Variants in SLC8A3 observed in about 807,000 individuals in gnomAD.
The protein encoded by SLC8A3 is solute carrier family 8 member A3, also known as sodium/calcium exchanger 3.
Under a neutral mutation model 65.4 loss-of-function variants are expected in SLC8A3, and 37 were observed. That is an observed-to-expected ratio of 0.57 (90% CI 0.44 to 0.74). The LOEUF (loss-of-function observed/expected upper bound fraction) is 0.74. Among genes scored for constraint, SLC8A3 ranks in the 30% least tolerant of loss-of-function variants. SLC8A3 has a pLI of 0.00. For missense variants in SLC8A3, 1,112 were observed against 1,172.1 expected, an observed-to-expected ratio of 0.95 and a Z score of 0.75; for synonymous variants, 461 against 444.5, an observed-to-expected ratio of 1.04 and a Z score of -0.47.
chr14:70,051,549 T>C (rs1887507343), intron 4 of SLC8A3, among the ~76,000 whole-genome samples: 1 of 152,086 alleles, frequency 6.6e-6, no homozygotes, highest in South Asian at 2.1e-4. Context: ...GACCCTCCCA[T>C]CTCGGCCTCT....
At chr14:70,157,408 C>T (rs1896636089) in intron 2 of SLC8A3, among the ~76,000 whole-genome samples, 1 of 152,138 alleles carries the variant, frequency 6.6e-6, no homozygotes, top group Admixed American at 6.5e-5. Context: ...GAAGGGGGCA[C>T]TTGACACAGG....
rs1224477033 is a variant in SLC8A3 at position 70,167,667 on chromosome 14, A to T, written c.756T>A (p.Asp252Glu). Residue 252 changes from aspartate to glutamate, a missense_variant, in exon 2 of 7, where the codon GAT becomes GAA. Asp to Glu is a conservative substitution (Grantham distance 45). Coordinates refer to ENST00000356921, the MANE Select transcript of SLC8A3 (RefSeq NM_182932.3). ...TGTATTTGTAGAAGAGCAGTCGTTT[A>T]TCTGCCACCCAGGCCAGAAGGACAC... ...PVCVLLAWVA[D>E]KRLLFYKYMH... The T allele has an allele frequency of 1.2e-6, 2 of 1,614,154 alleles. No individual in the cohort carries two copies.
At chr14:70,102,085 A>G (rs1402473166) in intron 2 of SLC8A3, among the ~76,000 whole-genome samples, 1 of 152,226 alleles carries the variant, frequency 6.6e-6, no homozygotes, top group African/African-American at 2.4e-5. Context: ...AAGATTCCAC[A>G]GGACCCAACA....
intron 2 of SLC8A3, among the ~76,000 whole-genome samples, chr14:70,101,735 G>T (rs1253724414): frequency 6.6e-6 from 1 of 152,180 alleles, no homozygotes; most frequent in Non-Finnish European, 1.5e-5. Flanking sequence ...TCATTTTCAG[G>T]TATTGAACAG....
chr14:70,064,336 C>T (rs1320588576), intron 2 of SLC8A3, among the ~76,000 whole-genome samples: 1 of 152,138 alleles, frequency 6.6e-6, no homozygotes, highest in Non-Finnish European at 1.5e-5. Context: ...CCACTAAGGT[C>T]CTCCCATGTT....
intron 1 of SLC8A3, among the ~76,000 whole-genome samples, chr14:70,169,675 T>TA (rs35915562): frequency 0.74 from 70,333 of 94,528 alleles, 25,107 homozygotes; most frequent in Middle Eastern, 0.85. Context: ...ATGGAATAGC[T>TA]AAAAAAAAAA....
chr14:70,167,676 C>T lies in SLC8A3; in HGVS notation c.747G>A (p.Trp249Ter). Residue 249 changes from tryptophan to a stop codon, truncating the protein, a stop_gained, in exon 2 of 7, where the codon TGG becomes TGA. Coordinates refer to ENST00000356921, the MANE Select transcript of SLC8A3 (RefSeq NM_182932.3). LOFTEE classifies it high-confidence loss of function. ...FFFPVCVLLA[W>*]VADKRLLFYK... ...AGAAGAGCAGTCGTTTATCTGCCAC[C>T]CAGGCCAGAAGGACACACACTGGAA... 1.2e-6 allele frequency: 2 copies of T among 1,614,112 alleles called. No individual in the cohort carries two copies. The highest frequency in any genetic ancestry group is 1.7e-6 in the Non-Finnish European group (2 of 1,180,016).
intron 2 of SLC8A3, among the ~76,000 whole-genome samples, chr14:70,107,958 G>A (rs1892990572): frequency 6.6e-6 from 1 of 152,066 alleles, no homozygotes; most frequent in African/African-American, 2.4e-5. Context: ...CCGTGCATGT[G>A]TTTGCCCTTC....
chr14:70,138,978 G>A (rs1895396312), intron 2 of SLC8A3, among the ~76,000 whole-genome samples: 1 of 152,196 alleles, frequency 6.6e-6, no homozygotes, highest in African/African-American at 2.4e-5. Context: ...TATTTAATGG[G>A]ATGTTGGATG....
At chr14:70,105,626 T>A (rs1892820222) in intron 2 of SLC8A3, among the ~76,000 whole-genome samples, 1 of 152,188 alleles carries the variant, frequency 6.6e-6, no homozygotes, top group Non-Finnish European at 1.5e-5. Flanking sequence ...AAGCTCTAAG[T>A]CCAAATAGTT....
At position 70,108,399 on chromosome 14, in the gene SLC8A3, C is replaced by CAA. The variant is rs764907002; in HGVS notation, c.1785-47462_1785-47461dup. 8.6e-4 allele frequency among the ~76,000 whole-genome samples: 79 copies of CAA among 92,008 alleles called. 2 individuals carry two copies. Among genetic ancestry groups the CAA allele is most frequent in the Middle Eastern group, 6.3e-3 (1 of 160 alleles). The allele number at this position is 92,008 out of a possible 152,430, so 60.4% of individuals were successfully genotyped here. On this transcript the variant is annotated intron_variant, in intron 2 of 6. Coordinates refer to ENST00000356921, the MANE Select transcript of SLC8A3 (RefSeq NM_182932.3). ...TGGGCGACAAAGCAAGACTCCGTCT[C>CAA]AAAAAAAAAAAAAAAGAAAAATGAA...
intron 1 of SLC8A3, chr14:70,187,257 G>C (rs1883325318): frequency 6.7e-6 from 1 of 148,352 alleles, no homozygotes; most frequent in Non-Finnish European, 1.5e-5. Flanking sequence ...CGCCAGGAAA[G>C]GGGGAGAGAG....
At chr14:70,105,870 T>C (rs1011944504) in intron 2 of SLC8A3, among the ~76,000 whole-genome samples, 1 of 152,044 alleles carries the variant, frequency 6.6e-6, no homozygotes, top group Non-Finnish European at 1.5e-5. Flanking sequence ...CCCAGAAGCA[T>C]ACAAAAAGGA....
intron 1 of SLC8A3, among the ~76,000 whole-genome samples, chr14:70,180,445 T>C (rs1041166251): frequency 6.6e-6 from 1 of 152,158 alleles, no homozygotes; most frequent in Non-Finnish European, 1.5e-5. Context: ...AGGAGCAGAT[T>C]CCTCAGACTC....
intron 2 of SLC8A3, among the ~76,000 whole-genome samples, chr14:70,089,347 C>T (rs1326122632): frequency 6.6e-6 from 1 of 152,104 alleles, no homozygotes; most frequent in Non-Finnish European, 1.5e-5. Flanking sequence ...AAGACCACCT[C>T]CAGCATGAAG....
intron 1 of SLC8A3, among the ~76,000 whole-genome samples, chr14:70,177,415 AC>A (rs1897976436): frequency 2.6e-5 from 4 of 152,222 alleles, no homozygotes; most frequent in Non-Finnish European, 5.9e-5. Flanking sequence ...CCAAATAATT[AC>A]ACCAAAACAA....
intron 2 of SLC8A3, among the ~76,000 whole-genome samples, chr14:70,161,899 C>T (rs1232859268): frequency 6.6e-6 from 1 of 152,234 alleles, no homozygotes; most frequent in Non-Finnish European, 1.5e-5. Context: ...AGGGAATGGT[C>T]TGCATTATTT....
intron 2 of SLC8A3, among the ~76,000 whole-genome samples, chr14:70,100,044 G>T (rs1237535199): frequency 6.7e-6 from 1 of 149,242 alleles, no homozygotes; most frequent in Non-Finnish European, 1.5e-5. Flanking sequence ...AAATCAAGCA[G>T]CCTTTAATAG....
chr14:70,078,031 C>T (rs1890694584), intron 2 of SLC8A3, among the ~76,000 whole-genome samples: 1 of 152,210 alleles, frequency 6.6e-6, no homozygotes, highest in Non-Finnish European at 1.5e-5. Context: ...GACCAGCTGA[C>T]AGGAGCCAGC....
Sources: allele counts gnomAD v4.1 joint callset (sites outside exome capture counted in the v4.1 genomes callset), GRCh38; gene constraint gnomAD v4.1.1; transcripts MANE v1.5; gene names NCBI Gene and HGNC (gene_info 2026-07-23, HGNC 2026-07-21).